UCK2: variants seen among roughly 807,000 people sequenced by gnomAD.
The protein encoded by UCK2 is cytidine monophosphokinase 2.
UCK2 carries 6 observed loss-of-function variants against 30.8 expected under a neutral mutation model. That is an observed-to-expected ratio of 0.19 (90% CI 0.11 to 0.38). The LOEUF (loss-of-function observed/expected upper bound fraction) is 0.38, where lower values mean the gene tolerates loss of function less well. Among genes scored for constraint, UCK2 ranks in the 10% least tolerant of loss-of-function variants. UCK2 has a pLI of 1.00. For missense variants in UCK2, 210 were observed against 339.8 expected (o/e 0.62, Z 3.00); for synonymous variants, 125 against 133.6 (o/e 0.94, Z 0.45).
At chr1:165,884,744 C>T (rs184517338) in intron 1 of UCK2, among the ~76,000 whole-genome samples, 1 of 152,290 alleles carries the variant, frequency 6.6e-6, no homozygotes, top group African/African-American at 2.4e-5. Context: ...AGGGTGAGAA[C>T]GATTTTAGAG....
intron 1 of UCK2, among the ~76,000 whole-genome samples, chr1:165,881,152 G>A (rs938116869): frequency 7.7e-5 from 10 of 130,288 alleles, no homozygotes; most frequent in African/African-American, 8.9e-5. Context: ...CAGCCTGGGC[G>A]ACAGAGTAAG....
Position 165,827,988 on chromosome 1 carries a change from A to G in UCK2, c.99+56A>G, listed in dbSNP as rs1316993514. ...CCCGGCTTCTGTCCCTGGGCGGCGC[A>G]TGTGGCCGGCGGCCGCGGGCCGTGT... On this transcript the variant is annotated intron_variant, in intron 1 of 6. Transcript: ENST00000367879. 4.1e-6 allele frequency: 5 copies of G among 1,221,026 alleles called. No homozygotes were observed. In the South Asian group the frequency reaches 1.8e-4, roughly 44 times the overall value. The allele number at this position is 1,221,026 out of a possible 1,614,324, so 75.6% of individuals were successfully genotyped here.
At position 165,910,759 on chromosome 1, in the gene UCK2, T is replaced by C. The variant is rs1647832130; in HGVS notation, c.*2936T>C. ...CCAGGGAAGGAGGGCAGAGACAGGGTCTCCAGTTCACCTTGCCGCAGAACT... is the reference window on the plus strand; with the variant it reads ...CCAGGGAAGGAGGGCAGAGACAGGGCCTCCAGTTCACCTTGCCGCAGAACT... On this transcript the variant is annotated 3_prime_UTR_variant, in exon 7 of 7. Coordinates refer to ENST00000367879, the MANE Select transcript of UCK2 (RefSeq NM_012474.5). 1.3e-5 allele frequency: 2 copies of C among 152,256 alleles called. No homozygotes were observed. The highest frequency in any genetic ancestry group is 4.8e-5 in the African/African-American group (2 of 41,404). 9.4% of individuals were successfully genotyped at this position (152,256 alleles called of 1,614,324 possible).
chr1:165,903,012 CT>C, intron 4 of UCK2, 169 bp from the exon 5 acceptor site: 1 of 485,344 alleles, frequency 2.1e-6, no homozygotes, highest in African/African-American at 1.9e-5. Flanking sequence ...TGTAACTTGT[CT>C]TTTCCGAAGC....
rs1318968055 is a variant in UCK2, at chr1:165,880,564, GGGGTGTGTGTGTGT to G, written c.100-9638_100-9625del. On this transcript the variant is annotated intron_variant, in intron 1 of 6. Coordinates refer to ENST00000367879, the MANE Select transcript of UCK2 (RefSeq NM_012474.5). Reference sequence around the variant, plus strand: ...GCCTAGATCCATTCAGTTTTTTTTGGGGGTGTGTGTGTGTGTGTGTGTGTGTGTGTGTGTGTGTG... The same window carrying G: ...GCCTAGATCCATTCAGTTTTTTTTGGGTGTGTGTGTGTGTGTGTGTGTGTG... Among the ~76,000 whole-genome samples the G allele has an allele frequency of 1.1e-3, 114 of 100,054 alleles. 1 individual carries two copies. The highest frequency in any genetic ancestry group is 3.1e-3 in the African/African-American group (95 of 30,392). 65.6% of individuals were successfully genotyped at this position (100,054 alleles called of 152,430 possible).
At chr1:165,843,182 T>A (rs1290950180) in intron 1 of UCK2, among the ~76,000 whole-genome samples, 3 of 152,220 alleles carry the variant, frequency 2.0e-5, no homozygotes, top group Non-Finnish European at 2.9e-5. Flanking sequence ...CCTAGAATAT[T>A]GTAGCTGCTC....
rs910873078 is a variant in UCK2, at chr1:165,895,479, A to G, written c.357-711A>G. The G allele has an allele frequency of 1.3e-5, 13 of 985,224 alleles. No homozygotes were observed. The African/African-American group carries it at 2.3e-4, about 17-fold the overall frequency. The allele number at this position is 985,224 out of a possible 1,614,324, so 61.0% of individuals were successfully genotyped here. A position where few individuals can be genotyped will look rare whatever the true frequency, so the allele number is the denominator to read the frequency against. On this transcript the variant is annotated intron_variant, in intron 3 of 6. Transcript: ENST00000367879. Reference sequence around the variant, plus strand: ...ATTAGTGCCTGCCCTAGGCTACCCAACCATGTGGGTTGGGTGGATGAGGTC... The same window carrying G: ...ATTAGTGCCTGCCCTAGGCTACCCAGCCATGTGGGTTGGGTGGATGAGGTC...
At chr1:165,883,069 C>T in intron 1 of UCK2, among the ~76,000 whole-genome samples, 1 of 152,156 alleles carries the variant, frequency 6.6e-6, no homozygotes, top group South Asian at 2.1e-4. Context: ...CGTGATCTGC[C>T]TGACTCGGCC....
rs541230640 is a variant in UCK2, at chr1:165,871,951, C to A, written c.100-18253C>A. Among the ~76,000 whole-genome samples the A allele has an allele frequency of 7.7e-4, 116 of 150,900 alleles. 1 individual carries two copies. The highest frequency in any genetic ancestry group is 1.3e-3 in the Admixed American group (19 of 15,174). ...AATAAGAAATAAAAGACCAATAAAT[C>A]AACAGAGAAGTGAGGACAGGATATC... On this transcript the variant is annotated intron_variant, in intron 1 of 6. Transcript: ENST00000367879.
At chr1:165,881,931 G>A (rs1055156801) in intron 1 of UCK2, among the ~76,000 whole-genome samples, 2 of 152,194 alleles carry the variant, frequency 1.3e-5, no homozygotes, top group East Asian at 1.9e-4. Flanking sequence ...TCTCTCAGAC[G>A]CAGTCTAACA....
In UCK2 at chr1:165,881,363, G is replaced by T. The variant is rs561840332; in HGVS notation, c.100-8841G>T. On this transcript the variant is annotated intron_variant, in intron 1 of 6. Transcript: ENST00000367879. ...ATGTACTTACTCAGGGTTTTTTTTT[G>T]TTTGTTTGTTTGTTTTCTATCTTGA... 8.3e-4 allele frequency among the ~76,000 whole-genome samples: 125 copies of T among 151,270 alleles called. 2 individuals are homozygous for T. In the South Asian group the frequency reaches 9.4e-3, roughly 11 times the overall value.
chr1:165,857,455 G>C (rs1654778178), intron 1 of UCK2, among the ~76,000 whole-genome samples: 1 of 152,186 alleles, frequency 6.6e-6, no homozygotes. Context: ...CTGGAGTGCA[G>C]AGTACTGTGG....
chr1:165,878,552 G>A (rs1557843284), intron 1 of UCK2, among the ~76,000 whole-genome samples: 1 of 151,970 alleles, frequency 6.6e-6, no homozygotes, highest in African/African-American at 2.4e-5. Flanking sequence ...GGCCATGTTG[G>A]CCAGAGTGGT....
In UCK2 at chr1:165,910,173, C is replaced by T. The variant is rs961122753; in HGVS notation, c.*2350C>T. 6.6e-6 allele frequency: 1 copy of T among 152,252 alleles called. No homozygotes were observed. Among genetic ancestry groups the T allele is most frequent in the Admixed American group, 6.5e-5 (1 of 15,278 alleles). 9.4% of individuals were successfully genotyped at this position (152,252 alleles called of 1,614,324 possible). A position where few individuals can be genotyped will look rare whatever the true frequency, so the allele number is the denominator to read the frequency against. ...GGTCTGTGACACACTGTTTCTGGAA[C>T]AAGGAAGGGATGGAAGGCTCTACCC... On this transcript the variant is annotated 3_prime_UTR_variant, in exon 7 of 7. Coordinates refer to ENST00000367879, the MANE Select transcript of UCK2 (RefSeq NM_012474.5).
intron 1 of UCK2, among the ~76,000 whole-genome samples, chr1:165,841,796 C>T (rs1654337343): frequency 6.6e-6 from 1 of 152,138 alleles, no homozygotes; most frequent in Non-Finnish European, 1.5e-5. Flanking sequence ...TTACTGGTTT[C>T]CTGTAGCAGT....
intron 1 of UCK2, among the ~76,000 whole-genome samples, chr1:165,887,909 C>T (rs1655661515): frequency 1.3e-5 from 2 of 152,100 alleles, no homozygotes; most frequent in Admixed American, 1.3e-4. Flanking sequence ...GTCCCAAAGT[C>T]CAGAGTAGTT....
At chr1:165,897,274 G>A (rs2101885043) in intron 4 of UCK2, among the ~76,000 whole-genome samples, 1 of 152,254 alleles carries the variant, frequency 6.6e-6, no homozygotes, top group South Asian at 2.1e-4. Context: ...AGTGGCCACT[G>A]TTCTGTGTTG....
intron 1 of UCK2, among the ~76,000 whole-genome samples, chr1:165,852,255 A>G (rs1654616349): frequency 6.6e-6 from 1 of 152,266 alleles, no homozygotes; most frequent in African/African-American, 2.4e-5. Context: ...CTGCACAGCA[A>G]AAGAAACTAT....
intron 4 of UCK2, among the ~76,000 whole-genome samples, chr1:165,897,570 TCACAGGA>T (rs1305129856): frequency 3.3e-5 from 5 of 152,166 alleles, no homozygotes; most frequent in African/African-American, 9.7e-5. Context: ...TAGCTCCTAG[TCACAGGA>T]CACATTATTG....
Sources: gnomAD v4.1 joint callset for allele counts (sites outside exome capture counted in the v4.1 genomes callset) on GRCh38, gnomAD v4.1.1 for gene constraint, MANE v1.5 for transcripts, NCBI Gene and HGNC (gene_info 2026-07-23, HGNC 2026-07-21) for gene names.